The following NLGN1 variants were observed in gnomAD, a reference collection of about 807,000 sequenced individuals.
NLGN1 encodes the protein neuroligin 1.
In NLGN1, 12 loss-of-function variants were observed where a neutral mutation model predicts 65.5. That is an observed-to-expected ratio of 0.18 (90% confidence interval 0.12 to 0.30). The LOEUF is 0.30. NLGN1 is among the 10% of genes least tolerant of loss of function. The pLI, the probability that NLGN1 is intolerant of heterozygous loss-of-function variation, is 1.00. For synonymous variants in NLGN1, 350 were observed against 359.5 expected, an observed-to-expected ratio of 0.97 and a Z score of 0.30; for missense variants, 750 against 1,007.1, an observed-to-expected ratio of 0.74 and a Z score of 3.46.
intron 4 of NLGN1, among the ~76,000 whole-genome samples, chr3:173,986,110 C>T (rs1235765455): frequency 6.6e-6 from 1 of 152,064 alleles, no homozygotes; most frequent in Non-Finnish European, 1.5e-5. Flanking sequence ...TTAGTTAAGT[C>T]GACATGAAGT....
At chr3:174,054,262 T>C (rs1025294720) in intron 4 of NLGN1, among the ~76,000 whole-genome samples, 6 of 152,056 alleles carry the variant, frequency 3.9e-5, no homozygotes, top group Non-Finnish European at 7.4e-5. Flanking sequence ...GGACTTGGTG[T>C]AGTCCCAATT....
intron 4 of NLGN1, among the ~76,000 whole-genome samples, chr3:174,093,062 C>T (rs573150624): frequency 4.6e-5 from 7 of 152,264 alleles, no homozygotes; most frequent in South Asian, 4.1e-4. Flanking sequence ...ATCAAACTCT[C>T]GGGTCACTTT....
intron 2 of NLGN1, among the ~76,000 whole-genome samples, chr3:173,529,384 AGGG>A (rs1438125215): frequency 6.6e-6 from 1 of 152,072 alleles, no homozygotes; most frequent in South Asian, 2.1e-4. Flanking sequence ...TTCGGGGTGA[AGGG>A]GGGACAAAGA....
intron 4 of NLGN1, among the ~76,000 whole-genome samples, chr3:174,208,774 G>A (rs1167608454): frequency 6.6e-6 from 1 of 152,100 alleles, no homozygotes; most frequent in Non-Finnish European, 1.5e-5. Context: ...GATATCATCA[G>A]CAGACCTAAA....
At chr3:173,425,173 G>A (rs192227304) in intron 1 of NLGN1, among the ~76,000 whole-genome samples, 4 of 152,224 alleles carry the variant, frequency 2.6e-5, no homozygotes, top group African/African-American at 9.6e-5. Context: ...ACTATCATGA[G>A]AACAGCAAGG....
intron 1 of NLGN1, among the ~76,000 whole-genome samples, chr3:173,425,604 C>T (rs138377751): frequency 3.5e-4 from 53 of 151,884 alleles, no homozygotes; most frequent in Non-Finnish European, 1.8e-4. Context: ...AGAGACTGTC[C>T]GTTTATGTTC....
intron 4 of NLGN1, among the ~76,000 whole-genome samples, chr3:174,213,162 A>G (rs938118092): frequency 6.6e-6 from 1 of 152,234 alleles, no homozygotes; most frequent in Non-Finnish European, 1.5e-5. Flanking sequence ...CACAAGAAGC[A>G]TTATGAAAAT....
intron 5 of NLGN1, among the ~76,000 whole-genome samples, chr3:174,275,938 A>G (rs1750472821): frequency 6.6e-6 from 1 of 151,892 alleles, no homozygotes; most frequent in African/African-American, 2.4e-5. Flanking sequence ...TAAACCCTTT[A>G]TTAGTATGAA....
intron 4 of NLGN1, among the ~76,000 whole-genome samples, chr3:174,253,962 C>T (rs539592398): frequency 3.9e-5 from 6 of 152,130 alleles, no homozygotes; most frequent in Non-Finnish European, 8.8e-5. Context: ...CAGAGGATTG[C>T]GGAAGCCAAT....
chr3:173,462,418 C>T (rs1251375722), intron 2 of NLGN1, among the ~76,000 whole-genome samples: 1 of 152,052 alleles, frequency 6.6e-6, no homozygotes, highest in African/African-American at 2.4e-5. Flanking sequence ...TTACTACCCC[C>T]ATCCTCCTCA....
intron 4 of NLGN1, among the ~76,000 whole-genome samples, chr3:173,929,346 G>A (rs985811232): frequency 2.0e-5 from 3 of 152,186 alleles, no homozygotes; most frequent in Middle Eastern, 3.4e-3. Context: ...CATTTATTTT[G>A]CATTCTTGCA....
intron 4 of NLGN1, among the ~76,000 whole-genome samples, chr3:174,080,870 A>T (rs1038619719): frequency 6.6e-6 from 1 of 151,212 alleles, no homozygotes; most frequent in Admixed American, 6.6e-5. Context: ...TTAGAGAGAC[A>T]GTTAACAACT....
intron 4 of NLGN1, among the ~76,000 whole-genome samples, chr3:174,270,903 A>T (rs1286827584): frequency 6.6e-6 from 1 of 151,800 alleles, no homozygotes; most frequent in Non-Finnish European, 1.5e-5. Flanking sequence ...GTCCTTAATG[A>T]GCTATTTTTC....
intron 1 of NLGN1, among the ~76,000 whole-genome samples, chr3:173,428,352 C>T (rs1716533147): frequency 6.6e-6 from 1 of 151,300 alleles, no homozygotes; most frequent in Non-Finnish European, 1.5e-5. Context: ...TAAGTTCTCC[C>T]TTTTTTTCTT....
intron 3 of NLGN1, among the ~76,000 whole-genome samples, chr3:173,780,457 T>A (rs577937220): frequency 1.3e-5 from 2 of 152,330 alleles, no homozygotes; most frequent in South Asian, 2.1e-4. Context: ...ACTGGAAGAC[T>A]TTAAAGTTTC....
At chr3:174,268,452 G>A (rs957422331) in intron 4 of NLGN1, among the ~76,000 whole-genome samples, 1 of 152,040 alleles carries the variant, frequency 6.6e-6, no homozygotes, top group Non-Finnish European at 1.5e-5. Flanking sequence ...TGGAGCTGGG[G>A]GTTACTTTCT....
At chr3:173,975,996 A>G (rs1717352964) in intron 4 of NLGN1, among the ~76,000 whole-genome samples, 1 of 152,020 alleles carries the variant, frequency 6.6e-6, no homozygotes, top group Non-Finnish European at 1.5e-5. Context: ...CTAACTGACT[A>G]TTTATCTACT....
intron 4 of NLGN1, among the ~76,000 whole-genome samples, chr3:174,111,939 A>G (rs956353621): frequency 4.6e-5 from 7 of 151,946 alleles, no homozygotes; most frequent in African/African-American, 1.7e-4. Flanking sequence ...CGACTCTTGG[A>G]TGTACCAGTG....
At chr3:173,427,192 A>G (rs948489104) in intron 1 of NLGN1, among the ~76,000 whole-genome samples, 2 of 151,840 alleles carry the variant, frequency 1.3e-5, no homozygotes, top group Non-Finnish European at 2.9e-5. Context: ...CTCTGATATT[A>G]CTTGGGTCTT....
Sources: gnomAD v4.1 joint callset for allele counts (sites outside exome capture counted in the v4.1 genomes callset) on GRCh38, gnomAD v4.1.1 for gene constraint, MANE v1.5 for transcripts, NCBI Gene and HGNC (gene_info 2026-07-23, HGNC 2026-07-21) for gene names.